The following FXYD1 variants were observed in gnomAD, a reference collection of about 807,000 sequenced individuals.
The protein encoded by FXYD1 is phospholemman.
FXYD1 carries 9 observed loss-of-function variants against 17.2 expected under a neutral mutation model. That is an observed-to-expected ratio of 0.52 (90% confidence interval 0.32 to 0.91). The LOEUF is 0.91. Among genes scored for constraint, FXYD1 ranks in the 40% least tolerant of loss-of-function variants. The probability of loss-of-function intolerance (pLI) is 0.04; values close to 1 mark genes in which losing one functional copy is unlikely to be tolerated. For synonymous variants in FXYD1, 55 were observed against 45.8 expected (o/e 1.20, Z -0.81); for missense variants, 113 against 120.6 (o/e 0.94, Z 0.29).
At chr19:35,142,833 AG>A (rs1199180286) in intron 7 of FXYD1, 62 bp downstream of exon 7, 1 of 1,284,476 alleles carries the variant, frequency 7.8e-7, no homozygotes, top group Non-Finnish European at 1.1e-6. Flanking sequence ...CGGGAGAGGG[AG>A]GGGGCCAAGT....
chr19:35,142,869 G>A (rs1052930248), intron 7 of FXYD1, 48 bp from the exon 8 acceptor site: 7 of 897,384 alleles, frequency 7.8e-6, no homozygotes, highest in African/African-American at 3.3e-5. Flanking sequence ...GCGGCGAGGG[G>A]TGGGGCTGGA....
intron 1 of FXYD1, chr19:35,139,457 G>GACCTTTCCC (rs1182343129): frequency 6.6e-6 from 1 of 152,402 alleles, no homozygotes; most frequent in Non-Finnish European, 1.5e-5. Flanking sequence ...GAGACGGGGT[G>GACCTTTCCC]ACCTTTCCCA....
rs778313788 is a variant in FXYD1 at position 35,140,607 on chromosome 19, G to C, written c.72G>C (p.Lys24Asn). ...LLTMAKAESP[K>N]EHDPFTYDYQ... is the part of the protein sequence containing the mutation. ...TCTCTCTCTTTCCAGAAAGTCCAAA[G>C]GAACACGACCCGTTCACTTACGGTG... Residue 24 changes from lysine (K) to asparagine (N), a missense_variant, in exon 3 of 8, where the codon AAG becomes AAC. Coordinates refer to ENST00000351325, the MANE Select transcript of FXYD1 (RefSeq NM_021902.4). 6.2e-7 allele frequency: 1 copy of C among 1,613,616 alleles called. No homozygotes were observed. The highest frequency in any genetic ancestry group is 8.5e-7 in the Non-Finnish European group (1 of 1,179,808).
chr19:35,141,986 T>C (rs1397518310), intron 5 of FXYD1, among the ~76,000 whole-genome samples: 1 of 152,270 alleles, frequency 6.6e-6, no homozygotes, highest in Non-Finnish European at 1.5e-5. Context: ...AGAACAATTA[T>C]AGATATTATC....
intron 3 of FXYD1, 117 bp from the exon 4 acceptor site, chr19:35,141,015 A>G: frequency 1.6e-6 from 1 of 625,880 alleles, no homozygotes; most frequent in South Asian, 1.8e-5. Context: ...TAATTATCTT[A>G]CTTCCCCCCT....
At position 35,141,159 on chromosome 19, in the gene FXYD1, T is replaced by A. The variant is rs1260825508; in HGVS notation, c.122T>A (p.Leu41His). The A allele has an allele frequency of 1.2e-6, 2 of 1,611,190 alleles. No individual in the cohort carries two copies. Among genetic ancestry groups the A allele is most frequent in the Non-Finnish European group, 1.7e-6 (2 of 1,178,054 alleles). ...TACCAGTCCCTGCAGATCGGAGGCC[T>A]CGTCATCGCCGGGATCCTCTTCATC... ...YDYQSLQIGGLVIAGILFILG... is the reference protein window; with the variant it reads ...YDYQSLQIGGHVIAGILFILG... The change falls in exon 4 of 8, where the codon CTC becomes CAC. Residue 41 changes from leucine (L) to histidine (H), a missense_variant. Transcript: ENST00000351325.
In FXYD1 at chr19:35,140,061, T is replaced by C. The variant is rs1171398902; in HGVS notation, c.-4-15T>C. On this transcript the variant is annotated splice_polypyrimidine_tract_variant and intron_variant, in intron 1 of 7. Coordinates refer to ENST00000351325, the MANE Select transcript of FXYD1 (RefSeq NM_021902.4). ...GCAAGGGCACACACTGCCTAATCCGTGGTGTCCCCCCCAGGACAATGGCGT... is the reference window on the plus strand; with the variant it reads ...GCAAGGGCACACACTGCCTAATCCGCGGTGTCCCCCCCAGGACAATGGCGT... 2 of 1,611,156 alleles carry C rather than the reference T, an allele frequency of 1.2e-6. No individual in the cohort carries two copies. The highest frequency in any genetic ancestry group is 2.2e-5 in the South Asian group (2 of 91,032).
chr19:35,141,313 CCCCGCTTCTCCCTGGT>C, intron 4 of FXYD1, 107 bp downstream of exon 4: 1 of 486,766 alleles, frequency 2.1e-6, no homozygotes, highest in South Asian at 2.7e-5. Flanking sequence ...CTCTCCCTGG[CCCCGCTTCTCCCTGGT>C]CCCGCCCCTC....
chr19:35,139,741 A>G, intron 1 of FXYD1: 1 of 299,870 alleles, frequency 3.3e-6, no homozygotes, highest in East Asian at 7.8e-5. Flanking sequence ...TGTTTGTGTG[A>G]GGCAGCGCCT....
Position 35,141,505 on chromosome 19 carries a change from C to A in FXYD1, c.170-31C>A, listed in dbSNP as rs2065255249. ...CGCTTGGCGCCCGCCGGGAGGGAGC[C>A]TCAGCTTCTCCTACCTCTCCACGCC... On this transcript the variant is annotated intron_variant, in intron 4 of 7. Coordinates refer to ENST00000351325, the MANE Select transcript of FXYD1 (RefSeq NM_021902.4). The A allele has an allele frequency of 5.0e-6, 8 of 1,597,406 alleles. No individual in the cohort carries two copies. In the African/African-American group the frequency reaches 8.0e-5, roughly 16 times the overall value.
At chr19:35,138,924 C>T (rs750797590) in intron 1 of FXYD1, 30 bp downstream of exon 1, 5 of 152,478 alleles carry the variant, frequency 3.3e-5, no homozygotes, top group African/African-American at 1.2e-4. Context: ...TCCCTCCAGG[C>T]CTCACCCCTG....
intron 1 of FXYD1, 167 bp from the exon 2 acceptor site, chr19:35,139,909 C>G: frequency 1.6e-6 from 1 of 607,752 alleles, no homozygotes; most frequent in Admixed American, 2.6e-5. Flanking sequence ...GACACTGTGT[C>G]CCCACGAAGC....
chr19:35,142,968 C>G lies in FXYD1; in HGVS notation c.*81C>G, dbSNP rs1326810620. Reference sequence around the variant, plus strand: ...ACGCTCCACCTGCGCGCCCACCGCCCCCTCCGCCGCCCCTTCCCCAGCCCT... The same window carrying G: ...ACGCTCCACCTGCGCGCCCACCGCCGCCTCCGCCGCCCCTTCCCCAGCCCT... On this transcript the variant is annotated 3_prime_UTR_variant, in exon 8 of 8. Transcript: ENST00000351325. 13 of 586,092 alleles carry G rather than the reference C, an allele frequency of 2.2e-5. No homozygotes were observed. The highest frequency in any genetic ancestry group is 3.8e-5 in the African/African-American group (2 of 52,240). The allele number at this position is 586,092 out of a possible 1,614,324, so 36.3% of individuals were successfully genotyped here. A position where few individuals can be genotyped will look rare whatever the true frequency, so the allele number is the denominator to read the frequency against.
Position 35,141,206 on chromosome 19 carries a change from A to C in FXYD1, c.169A>C (p.Ser57Arg). The change falls in exon 4 of 8, where the codon AGC becomes CGC. Residue 57 changes from serine (S) to arginine (R), a missense_variant and splice_region_variant. Ser to Arg is a moderately radical substitution (Grantham distance 110). Transcript: ENST00000351325. ...LFILGILIVL[S>R]RRCRCKFNQQ... is the part of the protein sequence containing the mutation. The stretch of plus-strand genomic sequence containing the variant: ...CATCCTGGGCATCCTCATCGTGCTG[A>C]GTGAGTGCCCCTAGCTCCCGCCCTC... 1.9e-6 allele frequency: 3 copies of C among 1,590,504 alleles called. No homozygotes were observed. The highest frequency in any genetic ancestry group is 2.6e-6 in the Non-Finnish European group (3 of 1,160,652).
rs759280268 is a variant in FXYD1 at position 35,142,470 on chromosome 19, A to T, written c.207-2A>T. The T allele has an allele frequency of 1.2e-6, 2 of 1,610,580 alleles. No homozygotes were observed. Among genetic ancestry groups the T allele is most frequent in the South Asian group, 2.2e-5 (2 of 90,900 alleles). On this transcript the variant is annotated splice_acceptor_variant, in intron 5 of 7. Coordinates refer to ENST00000351325, the MANE Select transcript of FXYD1 (RefSeq NM_021902.4). LOFTEE classifies it high-confidence loss of function. Reference sequence around the variant, plus strand: ...GAAATCCCTCTGCCTCTGTCTTCCCAGGACTGGGGAACCCGATGAAGAGGA... The same window carrying T: ...GAAATCCCTCTGCCTCTGTCTTCCCTGGACTGGGGAACCCGATGAAGAGGA...
At chr19:35,138,655 TGA>T (rs1205676166), upstream of FXYD1, 2 of 151,978 alleles carry the variant, frequency 1.3e-5, no homozygotes, top group Non-Finnish European at 2.9e-5. Context: ...CTCTCTGAAC[TGA>T]GAGAGTTAAC....
At chr19:35,142,363 C>G in intron 5 of FXYD1, 109 bp from the exon 6 acceptor site, 1 of 812,082 alleles carries the variant, frequency 1.2e-6, no homozygotes, top group South Asian at 1.7e-5. Flanking sequence ...TCGTCCATAT[C>G]TGGGCCTAGT....
At position 35,143,093 on chromosome 19, in the gene FXYD1, G is replaced by A. The variant is rs2065272765; in HGVS notation, c.*206G>A. The A allele has an allele frequency of 1.8e-6, 1 of 544,930 alleles. No homozygotes were observed. The highest frequency in any genetic ancestry group is 3.7e-5 in the Admixed American group (1 of 27,100). 33.8% of individuals were successfully genotyped at this position (544,930 alleles called of 1,614,324 possible). On this transcript the variant is annotated 3_prime_UTR_variant, in exon 8 of 8. Coordinates refer to ENST00000351325, the MANE Select transcript of FXYD1 (RefSeq NM_021902.4). This position sits in a 1 kb window ranked among gnomAD's most constrained non-coding sequence, Gnocchi z 4.3. Reference sequence around the variant, plus strand: ...CGGTCCCTCAGCGCGAAACGCCAGCGCCACTGGGCCCCAGCAGGGGGCGCC... The same window carrying A: ...CGGTCCCTCAGCGCGAAACGCCAGCACCACTGGGCCCCAGCAGGGGGCGCC...
At chr19:35,139,766 G>A (rs1481825695) in intron 1 of FXYD1, 6 of 349,754 alleles carry the variant, frequency 1.7e-5, no homozygotes, top group African/African-American at 1.0e-4. Flanking sequence ...TGCCCTGCCA[G>A]GGTAGGTCTG....
Sources: allele counts gnomAD v4.1 joint callset (sites outside exome capture counted in the v4.1 genomes callset), GRCh38; gene constraint gnomAD v4.1.1; non-coding constraint Gnocchi (gnomAD v3.1); transcripts MANE v1.5; gene names NCBI Gene and HGNC (gene_info 2026-07-23, HGNC 2026-07-21).